KCTD16: variants seen among roughly 807,000 people sequenced by gnomAD.
The protein encoded by KCTD16 is potassium channel tetramerization domain containing 16, also known as BTB/POZ domain-containing protein KCTD16.
In KCTD16, 13 loss-of-function variants were observed where a neutral mutation model predicts 33.2. The ratio of observed to expected loss-of-function variants is 0.39; its 90% CI spans 0.25 to 0.62. KCTD16 has a LOEUF of 0.62. Ranked by LOEUF, KCTD16 falls within the 20% of genes least tolerant of loss-of-function variation. The pLI is 0.50. For missense variants in KCTD16, 441 were observed against 525.1 expected (o/e 0.84, Z 1.57); for synonymous variants, 197 against 195.3 (o/e 1.01, Z -0.07).
chr5:144,179,700 A>G (rs1033381224), intron 2 of KCTD16, among the ~76,000 whole-genome samples: 5 of 152,262 alleles, frequency 3.3e-5, no homozygotes, highest in Non-Finnish European at 7.3e-5. Flanking sequence ...CGGCTAGTAC[A>G]TGACAAAGAT....
chr5:144,383,295 G>GA (rs1444627696), intron 3 of KCTD16, among the ~76,000 whole-genome samples: 1 of 152,188 alleles, frequency 6.6e-6, no homozygotes, highest in Non-Finnish European at 1.5e-5. Context: ...CTGTAGAGCT[G>GA]ACATTTCTCT....
At chr5:144,328,252 G>A (rs1752260701) in intron 3 of KCTD16, among the ~76,000 whole-genome samples, 1 of 152,182 alleles carries the variant, frequency 6.6e-6, no homozygotes, top group East Asian at 1.9e-4. Context: ...CAATATTAAA[G>A]TCACACATTA....
intron 3 of KCTD16, among the ~76,000 whole-genome samples, chr5:144,350,977 A>G (rs1171729438): frequency 6.6e-6 from 1 of 152,196 alleles, no homozygotes. Context: ...ATTAATTTGT[A>G]AGAAGCAAGA....
chr5:144,254,922 C>A (rs111988451), intron 3 of KCTD16, among the ~76,000 whole-genome samples: 13,618 of 152,052 alleles, frequency 0.09, 891 homozygotes, highest in Non-Finnish European at 0.13. Flanking sequence ...CACTACCATG[C>A]CTGGCTATTT....
At chr5:144,271,813 TAGAC>T (rs139547163) in intron 3 of KCTD16, among the ~76,000 whole-genome samples, 33,083 of 151,436 alleles carry the variant, frequency 0.22, 3,975 homozygotes, top group Non-Finnish European at 0.28. Context: ...TAAATGAACT[TAGAC>T]AGCAGGATAC....
At chr5:144,343,716 T>C (rs1366097602) in intron 3 of KCTD16, among the ~76,000 whole-genome samples, 1 of 152,234 alleles carries the variant, frequency 6.6e-6, no homozygotes, top group Non-Finnish European at 1.5e-5. Context: ...TGTTGGCATT[T>C]AGTGGTATAA....
chr5:144,193,841 A>C (rs1752890315), intron 2 of KCTD16, among the ~76,000 whole-genome samples: 1 of 152,196 alleles, frequency 6.6e-6, no homozygotes, highest in African/African-American at 2.4e-5. Flanking sequence ...AAGTGGGTAG[A>C]CTTAATTATT....
At chr5:144,416,925 C>T (rs975799149) in intron 3 of KCTD16, among the ~76,000 whole-genome samples, 5 of 152,128 alleles carry the variant, frequency 3.3e-5, no homozygotes, top group Non-Finnish European at 7.4e-5. Flanking sequence ...TTGGAAGGCT[C>T]ATCTACCATC....
chr5:144,199,479 T>C (rs564908246), intron 2 of KCTD16, among the ~76,000 whole-genome samples: 4 of 152,226 alleles, frequency 2.6e-5, no homozygotes, highest in Non-Finnish European at 5.9e-5. Context: ...ATTCCTAAAA[T>C]AGTGCATGTG....
chr5:144,285,892 A>T (rs2126858230), intron 3 of KCTD16, among the ~76,000 whole-genome samples: 1 of 152,122 alleles, frequency 6.6e-6, no homozygotes, highest in Admixed American at 6.5e-5. Flanking sequence ...TAAGATGCAC[A>T]GAATTTTTCG....
intron 3 of KCTD16, among the ~76,000 whole-genome samples, chr5:144,378,695 T>C (rs545159505): frequency 6.6e-6 from 1 of 152,332 alleles, no homozygotes; most frequent in East Asian, 1.9e-4. Flanking sequence ...ACATGTGTCA[T>C]CAATGGCAGG....
chr5:144,444,418 A>T (rs1223305320), intron 3 of KCTD16, among the ~76,000 whole-genome samples: 1 of 152,068 alleles, frequency 6.6e-6, no homozygotes. Flanking sequence ...ACACCTCTTT[A>T]GTCATTTAAG....
At chr5:144,454,025 C>T (rs891273540) in intron 3 of KCTD16, among the ~76,000 whole-genome samples, 5 of 152,074 alleles carry the variant, frequency 3.3e-5, no homozygotes, top group Non-Finnish European at 7.4e-5. Flanking sequence ...GGGTGATTAA[C>T]CTCTCAGATT....
intron 3 of KCTD16, among the ~76,000 whole-genome samples, chr5:144,299,094 A>C (rs57464969): frequency 3.0e-4 from 5 of 16,566 alleles, no homozygotes; most frequent in East Asian, 3.6e-3. Flanking sequence ...ATATATCACT[A>C]TGTATATATA....
intron 3 of KCTD16, among the ~76,000 whole-genome samples, chr5:144,241,094 A>G (rs1754390441): frequency 6.6e-6 from 1 of 152,130 alleles, no homozygotes; most frequent in Non-Finnish European, 1.5e-5. Flanking sequence ...CTATGAAATC[A>G]TGCATGGTGC....
chr5:144,466,160 G>A (rs974233657), intron 3 of KCTD16, among the ~76,000 whole-genome samples: 7 of 151,856 alleles, frequency 4.6e-5, no homozygotes, highest in Admixed American at 1.3e-4. Context: ...TCTGTTGGAG[G>A]AGATATCACA....
At chr5:144,198,058 T>C (rs949783784) in intron 2 of KCTD16, among the ~76,000 whole-genome samples, 1 of 152,040 alleles carries the variant, frequency 6.6e-6, no homozygotes, top group Non-Finnish European at 1.5e-5. Flanking sequence ...TAAGAGAGGG[T>C]GGTTTTCGCA....
At chr5:144,367,389 G>A (rs968057740) in intron 3 of KCTD16, among the ~76,000 whole-genome samples, 2 of 152,124 alleles carry the variant, frequency 1.3e-5, no homozygotes, top group African/African-American at 4.8e-5. Context: ...CTAGATATGG[G>A]TTATGTGAGA....
Position 144,437,670 on chromosome 5 carries a change from A to G in KCTD16, c.833-35990A>G, listed in dbSNP as rs553420613. On this transcript the variant is annotated intron_variant, in intron 3 of 3. Coordinates refer to ENST00000512467, the MANE Select transcript of KCTD16 (RefSeq NM_020768.4). ...ATATCAACATGTACAGGTAGTAACT[A>G]TTCAATATCCAGCCGTTGTTTTTCC... is the stretch of plus-strand genomic sequence containing the variant. Among the ~76,000 whole-genome samples, 95 of 152,334 alleles carry G rather than the reference A, an allele frequency of 6.2e-4. 1 individual carries two copies. The highest frequency in any genetic ancestry group is 2.3e-3 in the African/African-American group (94 of 41,584).
Sources: allele counts gnomAD v4.1 joint callset (sites outside exome capture counted in the v4.1 genomes callset), GRCh38; gene constraint gnomAD v4.1.1; transcripts MANE v1.5; gene names NCBI Gene and HGNC (gene_info 2026-07-23, HGNC 2026-07-21).